PARP4: variants seen among roughly 807,000 people sequenced by gnomAD.
The protein encoded by PARP4 is poly(ADP-ribose) polymerase family member 4.
In PARP4, 120 loss-of-function variants were observed where a neutral mutation model predicts 187.7. That is an observed-to-expected ratio of 0.64 (90% CI 0.55 to 0.74). The LOEUF (loss-of-function observed/expected upper bound fraction) is 0.74, where lower values mean the gene tolerates loss of function less well. Among genes scored for constraint, PARP4 ranks in the 30% least tolerant of loss-of-function variants. The pLI is 0.00. For synonymous variants in PARP4, 654 were observed against 740.9 expected, an observed-to-expected ratio of 0.88 and a Z score of 1.90; for missense variants, 1,836 against 2,070.5, an observed-to-expected ratio of 0.89 and a Z score of 2.20.
chr13:24,478,169 G>A lies in PARP4; in HGVS notation c.1556C>T (p.Ser519Phe). Residue 519 changes from serine (S) to phenylalanine (F), a missense_variant, in exon 13 of 34, where the codon TCC becomes TTC. Transcript: ENST00000381989. ...KCMDLHEKDF[S>F]LTEAPPGYDS... ...GTAGCCTGGTGGTGCTTCAGTTAAG[G>A]AAAAGTCCTTCTCATGTAAGTCCAT... is the stretch of plus-strand genomic sequence containing the variant. 1 of 1,613,848 alleles carries A rather than the reference G, an allele frequency of 6.2e-7. No homozygotes were observed.
intron 33 of PARP4, among the ~76,000 whole-genome samples, chr13:24,423,107 T>C (rs904718676): frequency 1.3e-5 from 2 of 152,238 alleles, no homozygotes; most frequent in African/African-American, 4.8e-5. Flanking sequence ...ATGATCTAAA[T>C]AGAATAAATG....
chr13:24,450,609 C>A (rs999231990), intron 24 of PARP4, among the ~76,000 whole-genome samples: 1 of 152,010 alleles, frequency 6.6e-6, no homozygotes, highest in Admixed American at 6.6e-5. Flanking sequence ...TCCTTCAGGG[C>A]GGCTCTCAGA....
At chr13:24,512,060 C>T (rs1433130798) in intron 1 of PARP4, among the ~76,000 whole-genome samples, 1 of 152,144 alleles carries the variant, frequency 6.6e-6, no homozygotes, top group Non-Finnish European at 1.5e-5. Context: ...TGGATATTGT[C>T]ATATAATTGT....
intron 12 of PARP4, 26 bp from the exon 13 acceptor site, chr13:24,478,302 T>A (rs771649340): frequency 2.6e-5 from 39 of 1,488,094 alleles, no homozygotes; most frequent in Middle Eastern, 1.8e-4. Flanking sequence ...AATAAACACA[T>A]ATTTACAGCT....
In PARP4 at chr13:24,434,912, T is replaced by C. The variant is rs1300010471; in HGVS notation, c.4229A>G (p.Gln1410Arg). 1 of 1,614,014 alleles carries C rather than the reference T, an allele frequency of 6.2e-7. No individual in the cohort carries two copies. Among genetic ancestry groups the C allele is most frequent in the Non-Finnish European group, 8.5e-7 (1 of 1,180,028 alleles). The part of the protein sequence containing the change: ...VFSGSSLSSA[Q>R]SAPLQHPGGF... The stretch of plus-strand genomic sequence containing the variant: ...TCCAGGATGTTGCAGTGGAGCAGAC[T>C]GTGCAGAGCTTAATGAGCTCCCTGA... The change falls in exon 31 of 34, where the codon CAG (glutamine) becomes CGG (arginine). Residue 1410 changes from glutamine to arginine, a missense_variant. Gln to Arg is a conservative substitution (Grantham distance 43). Around this residue, in one of 8 missense-constraint regions of PARP4, gnomAD observed 450 missense variants for 439.2 expected, o/e 1.02. Transcript: ENST00000381989.
At chr13:24,509,544 T>G (rs957890038) in intron 1 of PARP4, among the ~76,000 whole-genome samples, 1 of 151,632 alleles carries the variant, frequency 6.6e-6, no homozygotes, top group Admixed American at 6.6e-5. Flanking sequence ...ATTGTACAAT[T>G]AAAATGAATG....
intron 12 of PARP4, among the ~76,000 whole-genome samples, chr13:24,481,937 G>A (rs1480453205): frequency 5.9e-5 from 9 of 152,230 alleles, no homozygotes; most frequent in East Asian, 3.8e-4. Context: ...GGATCTGGAC[G>A]AAGTAAATTG....
chr13:24,428,288 G>A (rs1346568464), intron 32 of PARP4, among the ~76,000 whole-genome samples: 2 of 152,022 alleles, frequency 1.3e-5, no homozygotes, highest in African/African-American at 2.4e-5. Context: ...CCTTCTCAGC[G>A]TCTTTGCTGT....
intron 25 of PARP4, among the ~76,000 whole-genome samples, chr13:24,448,589 A>C (rs1871334314): frequency 6.6e-6 from 1 of 152,176 alleles, no homozygotes; most frequent in Admixed American, 6.5e-5. Flanking sequence ...CTAAACATAA[A>C]ATGAGCATAT....
rs1384204143 is a variant in PARP4 at position 24,511,772 on chromosome 13, ACT to A, written c.-2+932_-2+933del. 2.0e-5 allele frequency among the ~76,000 whole-genome samples: 3 copies of A among 151,736 alleles called. No individual in the cohort carries two copies. In the East Asian group the frequency reaches 5.8e-4, roughly 29 times the overall value. On this transcript the variant is annotated intron_variant, in intron 1 of 33. Coordinates refer to ENST00000381989, the MANE Select transcript of PARP4 (RefSeq NM_006437.4). Reference sequence around the variant, plus strand: ...TTCAATAAAAGCTTGCTTACTAAAAACTCTCACGTATCCATTAAAGCCCAGGA... The same window carrying A: ...TTCAATAAAAGCTTGCTTACTAAAAACTCACGTATCCATTAAAGCCCAGGA...
At chr13:24,425,099 C>G (rs1261577889) in intron 33 of PARP4, among the ~76,000 whole-genome samples, 1 of 152,044 alleles carries the variant, frequency 6.6e-6, no homozygotes. Flanking sequence ...TTCAGGAGTT[C>G]CAGACCTGCC....
intron 30 of PARP4, among the ~76,000 whole-genome samples, chr13:24,437,592 GC>G (rs1486131228): frequency 1.6e-5 from 2 of 126,428 alleles, no homozygotes; most frequent in African/African-American, 3.1e-5. Flanking sequence ...GATACATAGG[GC>G]TGTAAGAATA....
At position 24,443,828 on chromosome 13, in the gene PARP4, C is replaced by T. The variant is rs1470611194; in HGVS notation, c.3367-98G>A. The T allele has an allele frequency of 5.1e-6, 4 of 790,398 alleles. No individual in the cohort carries two copies. In the East Asian group the frequency reaches 9.8e-5, roughly 19 times the overall value. 49.0% of individuals were successfully genotyped at this position (790,398 alleles called of 1,614,324 possible). A position where few individuals can be genotyped will look rare whatever the true frequency, so the allele number is the denominator to read the frequency against. On this transcript the variant is annotated intron_variant, in intron 27 of 33. Transcript: ENST00000381989. ...TAAAAATGGAGGTATAATCTGCATA[C>T]AGTAAAATGCACTCCTCTTAAATAC... is the stretch of plus-strand genomic sequence containing the variant.
In PARP4 at chr13:24,447,050, AG is replaced by A. The variant is rs1871246765; in HGVS notation, c.3250del (p.Leu1084SerfsTer18). On this transcript the variant is annotated frameshift_variant, in exon 26 of 34. Transcript: ENST00000381989. LOFTEE classifies it high-confidence loss of function. ...QVPSLFLNDR[L>X]LVYGFIPHCT... ...GTGAGGAATGAATCCATAGACAAGG[AG>A]TCGATCATTGAGAAACAAGGACGGC... is the stretch of plus-strand genomic sequence containing the variant. 6.2e-7 allele frequency: 1 copy of A among 1,605,948 alleles called. No individual in the cohort carries two copies. Among genetic ancestry groups the A allele is most frequent in the South Asian group, 1.1e-5 (1 of 89,948 alleles).
In PARP4 at chr13:24,469,042, C is replaced by G. The variant is rs368008405; in HGVS notation, c.2115G>C (p.Leu705=). Residue 705 remains leucine, a synonymous_variant, in exon 17 of 34, where the codon CTG becomes CTC. Coordinates refer to ENST00000381989, the MANE Select transcript of PARP4 (RefSeq NM_006437.4). The part of the protein sequence containing the change: ...EAVTQGHGAY[L]MSQDAPDVFT... ...GCCATACCGGAGCATCCTGACTCAT[C>G]AGGTAAGCGCCATGGCCCTGGGTCA... The G allele has an allele frequency of 2.9e-5, 47 of 1,613,326 alleles. No individual in the cohort carries two copies. In the African/African-American group the frequency reaches 5.6e-4, roughly 19 times the overall value.
intron 28 of PARP4, among the ~76,000 whole-genome samples, chr13:24,442,995 C>T (rs3816219): frequency 0.34 from 50,489 of 149,104 alleles, 8,706 homozygotes; most frequent in Middle Eastern, 0.39. Context: ...GATAAAAGGG[C>T]CTTAAACAAA....
intron 20 of PARP4, among the ~76,000 whole-genome samples, chr13:24,457,793 A>AAAAAAAAAAAAAAAAAAAAG (rs1566000254): frequency 6.7e-6 from 1 of 148,514 alleles, no homozygotes; most frequent in African/African-American, 2.5e-5. Flanking sequence ...AAAAAAAAAA[A>AAAAAAAAAAAAAAAAAAAAG]AAAGAAAAAA....
At chr13:24,469,280 C>T (rs955357455) in intron 16 of PARP4, among the ~76,000 whole-genome samples, 170 bp from the exon 17 acceptor site, 1 of 152,140 alleles carries the variant, frequency 6.6e-6, no homozygotes, top group African/African-American at 2.4e-5. Context: ...CTGATAAGAA[C>T]TTGAACCAGA....
intron 10 of PARP4, among the ~76,000 whole-genome samples, chr13:24,489,959 T>C (rs1868540922): frequency 6.6e-6 from 1 of 152,210 alleles, no homozygotes; most frequent in Admixed American, 6.5e-5. Context: ...AGCTGGTGTG[T>C]GCGGCTACAA....
Sources: gnomAD v4.1 joint callset for allele counts (sites outside exome capture counted in the v4.1 genomes callset) on GRCh38, gnomAD v4.1.1 for gene constraint, gnomAD v4.1.1 regional missense constraint, MANE v1.5 for transcripts, NCBI Gene and HGNC (gene_info 2026-07-23, HGNC 2026-07-21) for gene names.